The following CMTM8 variants were observed in gnomAD, a reference collection of about 807,000 sequenced individuals.
CMTM8 encodes CKLF-like MARVEL transmembrane domain-containing protein 8.
A neutral mutation model predicts 18.6 loss-of-function variants in CMTM8; 12 were observed. The ratio of observed to expected loss-of-function variants is 0.65; its 90% confidence interval spans 0.41 to 1.05. The LOEUF is 1.05. CMTM8 is among the 50% of genes least tolerant of loss of function. The probability of loss-of-function intolerance (pLI) is 0.00; values close to 1 mark genes in which losing one functional copy is unlikely to be tolerated. For missense variants in CMTM8, 217 were observed against 227.2 expected, an observed-to-expected ratio of 0.95 and a Z score of 0.29; for synonymous variants, 87 against 90.6, an observed-to-expected ratio of 0.96 and a Z score of 0.23.
At chr3:32,349,568 A>T (rs73824696) in intron 1 of CMTM8, among the ~76,000 whole-genome samples, 12,342 of 152,142 alleles carry the variant, frequency 0.081, 602 homozygotes, top group East Asian at 0.18. Context: ...CCAGAGAACA[A>T]TTGGCAATAT....
At chr3:32,271,767 T>G (rs1702442504) in intron 1 of CMTM8, among the ~76,000 whole-genome samples, 2 of 152,240 alleles carry the variant, frequency 1.3e-5, no homozygotes, top group Non-Finnish European at 2.9e-5. Flanking sequence ...TTTAGCTGTC[T>G]TAACATGCAT....
At chr3:32,319,649 T>C (rs1319722985) in intron 1 of CMTM8, among the ~76,000 whole-genome samples, 1 of 152,226 alleles carries the variant, frequency 6.6e-6, no homozygotes, top group East Asian at 1.9e-4. Context: ...GTCCAGTGAC[T>C]TTCATCCTGT....
intron 1 of CMTM8, among the ~76,000 whole-genome samples, chr3:32,295,484 CAAAA>C (rs1702862797): frequency 1.2e-5 from 1 of 86,398 alleles, no homozygotes; most frequent in Non-Finnish European, 2.1e-5. Flanking sequence ...AAAAACAAAA[CAAAA>C]CAGCGGAAAG....
chr3:32,316,568 C>A (rs1037907989), intron 1 of CMTM8, among the ~76,000 whole-genome samples: 2 of 152,134 alleles, frequency 1.3e-5, no homozygotes, highest in Non-Finnish European at 2.9e-5. Context: ...TGTGGCTAAA[C>A]GTATAGAGCC....
chr3:32,309,976 G>A (rs1559376260), intron 1 of CMTM8, among the ~76,000 whole-genome samples: 1 of 152,156 alleles, frequency 6.6e-6, no homozygotes, highest in Non-Finnish European at 1.5e-5. Context: ...CTTTCTGCAG[G>A]ACCATTTGAG....
intron 1 of CMTM8, among the ~76,000 whole-genome samples, chr3:32,306,933 G>C (rs937066493): frequency 6.6e-6 from 1 of 152,222 alleles, no homozygotes; most frequent in Non-Finnish European, 1.5e-5. Context: ...AAGATGCCAG[G>C]CACAGTGTCT....
At chr3:32,345,661 T>C (rs1461971329) in intron 1 of CMTM8, among the ~76,000 whole-genome samples, 1 of 152,066 alleles carries the variant, frequency 6.6e-6, no homozygotes, top group Non-Finnish European at 1.5e-5. Flanking sequence ...CCATCATCTA[T>C]CAAAAACCAA....
intron 1 of CMTM8, among the ~76,000 whole-genome samples, chr3:32,316,627 A>G (rs1462958806): frequency 6.6e-6 from 1 of 152,106 alleles, no homozygotes; most frequent in Admixed American, 6.5e-5. Context: ...CCTGAATATC[A>G]AGTGAAAGCT....
intron 1 of CMTM8, among the ~76,000 whole-genome samples, chr3:32,319,075 T>TATATATATATA (rs1553605531): frequency 2.6e-3 from 65 of 25,232 alleles, no homozygotes; most frequent in African/African-American, 9.0e-3. Flanking sequence ...TATATATATA[T>TATATATATATA]TTTTTTTTTT....
chr3:32,300,038 A>G (rs1053217182), intron 1 of CMTM8, among the ~76,000 whole-genome samples: 1 of 152,252 alleles, frequency 6.6e-6, no homozygotes, highest in Non-Finnish European at 1.5e-5. Flanking sequence ...AGGTTAACAG[A>G]CAAAAGCATA....
intron 1 of CMTM8, among the ~76,000 whole-genome samples, chr3:32,265,513 A>C (rs916937199): frequency 7.2e-5 from 11 of 152,190 alleles, no homozygotes; most frequent in African/African-American, 2.7e-4. Context: ...AAAGATCTAA[A>C]ATTGACACCC....
In CMTM8 at chr3:32,356,803, A is replaced by C. The variant is rs1473688648; in HGVS notation, c.148-570A>C. 2.0e-5 allele frequency among the ~76,000 whole-genome samples: 3 copies of C among 152,194 alleles called. No individual in the cohort carries two copies. The East Asian group carries it at 5.8e-4, about 29-fold the overall frequency. ...CAGCCATGGATGTTGTTTCTCACCA[A>C]GTGGTGTTTTAAAACCCCTGATTAG... is the stretch of plus-strand genomic sequence containing the variant. On this transcript the variant is annotated intron_variant, in intron 1 of 3. Transcript: ENST00000307526.
intron 1 of CMTM8, among the ~76,000 whole-genome samples, chr3:32,318,686 C>T (rs1396765926): frequency 1.3e-5 from 2 of 151,492 alleles, no homozygotes; most frequent in African/African-American, 4.9e-5. Context: ...CCTGCCTCAG[C>T]CTCCCGAGTA....
chr3:32,359,192 C>G (rs995907032), intron 2 of CMTM8, among the ~76,000 whole-genome samples: 1 of 152,308 alleles, frequency 6.6e-6, no homozygotes, highest in Admixed American at 6.5e-5. Flanking sequence ...GTACTGTAGT[C>G]GTCTTGGGCC....
chr3:32,293,410 G>A (rs1249985557), intron 1 of CMTM8, among the ~76,000 whole-genome samples: 1 of 152,162 alleles, frequency 6.6e-6, no homozygotes, highest in African/African-American at 2.4e-5. Context: ...AATTAGCCAG[G>A]CATGGTGCCC....
chr3:32,240,854 C>T (rs1049108106), intron 1 of CMTM8, among the ~76,000 whole-genome samples: 1 of 152,180 alleles, frequency 6.6e-6, no homozygotes, highest in Non-Finnish European at 1.5e-5. Flanking sequence ...GTGGCACCAT[C>T]ATGGTTCACT....
chr3:32,273,851 C>T (rs1480452618), intron 1 of CMTM8, among the ~76,000 whole-genome samples: 1 of 151,980 alleles, frequency 6.6e-6, no homozygotes, highest in East Asian at 1.9e-4. Context: ...TGCATTATAT[C>T]TTGAAGTGGT....
chr3:32,322,067 TA>T (rs1696067966), intron 1 of CMTM8, among the ~76,000 whole-genome samples: 1 of 152,348 alleles, frequency 6.6e-6, no homozygotes, highest in East Asian at 1.9e-4. Flanking sequence ...ACTTCAGTGC[TA>T]AATGATGGAA....
rs190803794 is a variant in CMTM8, at chr3:32,346,055, G to A, written c.148-11318G>A. Among the ~76,000 whole-genome samples the A allele has an allele frequency of 2.5e-3, 381 of 152,300 alleles. 4 individuals carry two copies. The highest frequency in any genetic ancestry group is 6.3e-4 in the Non-Finnish European group (43 of 68,024). ...TGTAGTCCCACAGGCTTGGGAGGCC[G>A]AGGCAGGAGAATTGCTTGAACCCAG... is the stretch of plus-strand genomic sequence containing the variant. On this transcript the variant is annotated intron_variant, in intron 1 of 3. Transcript: ENST00000307526.
Sources: allele counts gnomAD v4.1 joint callset (sites outside exome capture counted in the v4.1 genomes callset), GRCh38; gene constraint gnomAD v4.1.1; transcripts MANE v1.5; gene names NCBI Gene and HGNC (gene_info 2026-07-23, HGNC 2026-07-21).